The following H4C6 variants were observed in gnomAD, a reference collection of about 807,000 sequenced individuals.
The protein encoded by H4C6 is H4 clustered histone 6.
Under a neutral mutation model 5.7 loss-of-function variants are expected in H4C6, and 8 were observed. The ratio of observed to expected loss-of-function variants is 1.41; its 90% CI spans 0.82 to 2.54. H4C6 has a LOEUF of 2.54. H4C6 is among the 30% of genes most tolerant of loss of function. The pLI is 0.00. For missense variants in H4C6, 230 were observed against 145.9 expected (o/e 1.58, Z -2.97); for synonymous variants, 124 against 57.0 (o/e 2.18, Z -5.30).
At position 26,240,764 on chromosome 6, in the gene H4C6, GCTCAC is replaced by G. The variant is rs1759878751; in HGVS notation, c.*29_*33del. 1 of 1,532,762 alleles carries G rather than the reference GCTCAC, an allele frequency of 6.5e-7. No homozygotes were observed. The highest frequency in any genetic ancestry group is 1.4e-5 in the African/African-American group (1 of 72,694). The allele number at this position is 1,532,762 out of a possible 1,614,324, so 94.9% of individuals were successfully genotyped here. ...CCTCACCCCGGCTTTTTATTTAACAGCTCACCCATAAAAGGCCCTTTTCAGGGCCA... is the reference window on the plus strand; with the variant it reads ...CCTCACCCCGGCTTTTTATTTAACAGCCATAAAAGGCCCTTTTCAGGGCCA... On this transcript the variant is annotated 3_prime_UTR_variant, in exon 1 of 1. Transcript: ENST00000244537.
chr6:26,240,540 G>C lies in H4C6; in HGVS notation c.115G>C (p.Ala39Pro). ...GITKPAIRRL[A>P]RRGGVKRISG... ...CACGAAGCCCGCCATCCGTCGCTTGGCCCGACGCGGCGGCGTGAAACGCAT... is the reference window on the plus strand; with the variant it reads ...CACGAAGCCCGCCATCCGTCGCTTGCCCCGACGCGGCGGCGTGAAACGCAT... Residue 39 changes from alanine (A) to proline (P), a missense_variant, in exon 1 of 1, where the codon GCC becomes CCC. Physicochemically the swap from Ala to Pro is conservative, Grantham distance 27. Coordinates refer to ENST00000244537, the MANE Select transcript of H4C6 (RefSeq NM_003540.4). 3.7e-6 allele frequency: 6 copies of C among 1,614,086 alleles called. No individual in the cohort carries two copies. Among genetic ancestry groups the C allele is most frequent in the South Asian group, 1.1e-5 (1 of 91,084 alleles).
rs553613363 is a variant in H4C6, at chr6:26,240,402, A to G, written c.-24A>G. ...AGTGTGTAGCAAAGTTGCAAAAGTT[A>G]AGAGTTGTTGTTTGTCTTCGATCAT... On this transcript the variant is annotated 5_prime_UTR_variant, in exon 1 of 1. Coordinates refer to ENST00000244537, the MANE Select transcript of H4C6 (RefSeq NM_003540.4). 5.3e-6 allele frequency: 8 copies of G among 1,522,706 alleles called. No homozygotes were observed. The highest frequency in any genetic ancestry group is 4.2e-5 in the Admixed American group (2 of 47,488). The allele number at this position is 1,522,706 out of a possible 1,614,324, so 94.3% of individuals were successfully genotyped here. A position where few individuals can be genotyped will look rare whatever the true frequency, so the allele number is the denominator to read the frequency against.
chr6:26,240,782 C>G lies in H4C6; in HGVS notation c.*45C>G, dbSNP rs1042658728. ...TTTAACAGCTCACCCATAAAAGGCC[C>G]TTTTCAGGGCCACCTCCTTCGTCAC... On this transcript the variant is annotated 3_prime_UTR_variant, in exon 1 of 1. Coordinates refer to ENST00000244537, the MANE Select transcript of H4C6 (RefSeq NM_003540.4). The G allele has an allele frequency of 4.1e-6, 6 of 1,478,240 alleles. No individual in the cohort carries two copies. The highest frequency in any genetic ancestry group is 2.2e-5 in the Admixed American group (1 of 45,256). 91.6% of individuals were successfully genotyped at this position (1,478,240 alleles called of 1,614,324 possible). A position where few individuals can be genotyped will look rare whatever the true frequency, so the allele number is the denominator to read the frequency against.
chr6:26,240,492 C>T lies in H4C6; in HGVS notation c.67C>T (p.Leu23=). Residue 23 remains leucine (L), a synonymous_variant, in exon 1 of 1, where the codon CTG becomes TTG. Coordinates refer to ENST00000244537, the MANE Select transcript of H4C6 (RefSeq NM_003540.4). Reference sequence around the variant, plus strand: ...AGGCGCCAAGCGCCATCGCAAAGTGCTGCGTGACAACATACAGGGCATCAC... The same window carrying T: ...AGGCGCCAAGCGCCATCGCAAAGTGTTGCGTGACAACATACAGGGCATCAC... ...KGGAKRHRKV[L]RDNIQGITKP... The T allele has an allele frequency of 1.2e-6, 2 of 1,609,108 alleles. No homozygotes were observed. Among genetic ancestry groups the T allele is most frequent in the South Asian group, 1.1e-5 (1 of 90,876 alleles).
chr6:26,240,738 G>C lies in H4C6; in HGVS notation c.*1G>C, dbSNP rs949275441. The C allele has an allele frequency of 1.3e-6, 2 of 1,553,970 alleles. No homozygotes were observed. The highest frequency in any genetic ancestry group is 1.7e-6 in the Non-Finnish European group (2 of 1,149,450). ...CACTCTGTACGGCTTTGGTGGCTGA[G>C]CCTCACCCCGGCTTTTTATTTAACA... On this transcript the variant is annotated 3_prime_UTR_variant, in exon 1 of 1. Transcript: ENST00000244537.
Position 26,240,405 on chromosome 6 carries a change from AGTT to A in H4C6, c.-14_-12del, listed in dbSNP as rs575160164. On this transcript the variant is annotated 5_prime_UTR_variant, in exon 1 of 1. Coordinates refer to ENST00000244537, the MANE Select transcript of H4C6 (RefSeq NM_003540.4). ...GTGTAGCAAAGTTGCAAAAGTTAAG[AGTT>A]GTTGTTTGTCTTCGATCATGTCTGG... 259 of 1,526,476 alleles carry A rather than the reference AGTT, an allele frequency of 1.7e-4. 3 individuals are homozygous for A. Among genetic ancestry groups the A allele is most frequent in the East Asian group, 5.9e-4 (26 of 43,860 alleles). The allele number at this position is 1,526,476 out of a possible 1,614,324, so 94.6% of individuals were successfully genotyped here.
rs771262170 is a variant in H4C6, at chr6:26,240,554, C to G, written c.129C>G (p.Gly43=). 22 of 1,614,034 alleles carry G rather than the reference C, an allele frequency of 1.4e-5. No individual in the cohort carries two copies. The Admixed American group carries it at 1.7e-4, about 12-fold the overall frequency. The part of the protein sequence containing the change: ...PAIRRLARRG[G]VKRISGLIYE... ...TCCGTCGCTTGGCCCGACGCGGCGG[C>G]GTGAAACGCATTTCGGGCCTCATTT... The change falls in exon 1 of 1, where the codon GGC becomes GGG. Residue 43 remains glycine (G), a synonymous_variant. Transcript: ENST00000244537.
In H4C6 at chr6:26,240,661, G is replaced by T; in HGVS notation, c.236G>T (p.Arg79Leu). The T allele has an allele frequency of 6.2e-7, 1 of 1,613,328 alleles. No homozygotes were observed. Among genetic ancestry groups the T allele is most frequent in the Non-Finnish European group, 8.5e-7 (1 of 1,179,424 alleles). Reference sequence around the variant, plus strand: ...GTAACCTACACGGAGCACGCCAAGCGTAAGACAGTCACTGCAATGGATGTT... The same window carrying T: ...GTAACCTACACGGAGCACGCCAAGCTTAAGACAGTCACTGCAATGGATGTT... ...DAVTYTEHAK[R>L]KTVTAMDVVY... is the part of the protein sequence containing the mutation. The change falls in exon 1 of 1, where the codon CGT becomes CTT. Residue 79 changes from arginine (R) to leucine (L), a missense_variant. Transcript: ENST00000244537.
Position 26,240,508 on chromosome 6 carries a change from A to G in H4C6, c.83A>G (p.Gln28Arg). ...RHRKVLRDNI[Q>R]GITKPAIRRL... ...CGCAAAGTGCTGCGTGACAACATAC[A>G]GGGCATCACGAAGCCCGCCATCCGT... is the stretch of plus-strand genomic sequence containing the variant. Residue 28 changes from glutamine (Q) to arginine (R), a missense_variant, in exon 1 of 1, where the codon CAG becomes CGG. Physicochemically the swap from Gln to Arg is conservative, Grantham distance 43. Coordinates refer to ENST00000244537, the MANE Select transcript of H4C6 (RefSeq NM_003540.4). 2 of 1,613,672 alleles carry G rather than the reference A, an allele frequency of 1.2e-6. No individual in the cohort carries two copies. Among genetic ancestry groups the G allele is most frequent in the Non-Finnish European group, 1.7e-6 (2 of 1,179,606 alleles).
Sources: gnomAD v4.1 joint callset for allele counts on GRCh38, gnomAD v4.1.1 for gene constraint, MANE v1.5 for transcripts, NCBI Gene and HGNC (gene_info 2026-07-23, HGNC 2026-07-21) for gene names.